The following MCPH1 variants were observed in gnomAD, a reference collection of about 807,000 sequenced individuals.
MCPH1 encodes the protein microcephalin.
A neutral mutation model predicts 84.5 loss-of-function variants in MCPH1; 104 were observed. That is an observed-to-expected ratio of 1.23 (90% CI 1.05 to 1.45). The LOEUF is 1.45. Among genes scored for constraint, MCPH1 ranks in the 40% most tolerant of loss-of-function variants. MCPH1 has a pLI of 0.00. For missense variants in MCPH1, 1,498 were observed against 1,005.7 expected (o/e 1.49, Z -6.62); for synonymous variants, 514 against 366.8 (o/e 1.40, Z -4.58).
chr8:6,555,226 G>A (rs148127850), intron 12 of MCPH1, among the ~76,000 whole-genome samples: 1 of 152,120 alleles, frequency 6.6e-6, no homozygotes, highest in Non-Finnish European at 1.5e-5. Flanking sequence ...TAGAATGTGA[G>A]ATGGACAATA....
chr8:6,472,500 C>G (rs911830511), intron 9 of MCPH1, among the ~76,000 whole-genome samples: 1 of 152,140 alleles, frequency 6.6e-6, no homozygotes, highest in Non-Finnish European at 1.5e-5. Context: ...GAGACTCACT[C>G]TGTCGCCCAG....
intron 2 of MCPH1, among the ~76,000 whole-genome samples, chr8:6,410,916 C>G (rs1027693868): frequency 6.6e-6 from 1 of 152,030 alleles, no homozygotes; most frequent in East Asian, 1.9e-4. Flanking sequence ...ATAGTGAAAC[C>G]CCATCTCTAC....
At chr8:6,446,335 G>T (rs1804363391) in intron 8 of MCPH1, 2 of 985,018 alleles carry the variant, frequency 2.0e-6, no homozygotes, top group African/African-American at 1.7e-5. Flanking sequence ...ATTTGAGTGA[G>T]AACGCATTCT....
At chr8:6,568,157 G>T (rs766372388) in intron 12 of MCPH1, among the ~76,000 whole-genome samples, 2 of 152,138 alleles carry the variant, frequency 1.3e-5, no homozygotes, top group Non-Finnish European at 2.9e-5. Flanking sequence ...TTTTGGCTCA[G>T]TTTGCCCAGT....
At chr8:6,503,320 A>C in intron 12 of MCPH1, 4 of 1,585,664 alleles carry the variant, frequency 2.5e-6, no homozygotes, top group Non-Finnish European at 3.5e-6. Flanking sequence ...CCCACCACGA[A>C]GACAGCAATA....
At chr8:6,518,333 T>C (rs1263075559) in intron 12 of MCPH1, among the ~76,000 whole-genome samples, 2 of 152,336 alleles carry the variant, frequency 1.3e-5, no homozygotes, top group East Asian at 3.9e-4. Context: ...CAAAAGAGAT[T>C]GAAAGGCTTA....
chr8:6,418,790 C>G (rs1799697024), intron 3 of MCPH1, among the ~76,000 whole-genome samples: 1 of 152,036 alleles, frequency 6.6e-6, no homozygotes, highest in African/African-American at 2.4e-5. Context: ...CCATGTTGGC[C>G]AGGATGATCC....
intron 12 of MCPH1, chr8:6,615,825 CAG>C (rs1830731529): frequency 6.6e-6 from 1 of 152,128 alleles, no homozygotes; most frequent in African/African-American, 2.4e-5. Flanking sequence ...TTAAAAGAGA[CAG>C]TGGGCACCGC....
intron 8 of MCPH1, among the ~76,000 whole-genome samples, chr8:6,451,835 A>G (rs1475954691): frequency 6.6e-6 from 1 of 152,208 alleles, no homozygotes; most frequent in African/African-American, 2.4e-5. Context: ...GTATATTTTT[A>G]CATGTTAAAA....
chr8:6,412,403 T>A (rs1016184295), intron 2 of MCPH1, among the ~76,000 whole-genome samples: 1 of 152,246 alleles, frequency 6.6e-6, no homozygotes, highest in African/African-American at 2.4e-5. Flanking sequence ...ATTTCAAAAA[T>A]TGGCAAACAG....
chr8:6,514,607 G>T (rs1331723408), intron 12 of MCPH1: 19 of 1,375,820 alleles, frequency 1.4e-5, no homozygotes, highest in Middle Eastern at 1.8e-4. Flanking sequence ...GGTGGTTAAG[G>T]TTCCGCAGAT....
At chr8:6,505,501 ATG>A (rs1314018698) in intron 12 of MCPH1, among the ~76,000 whole-genome samples, 2 of 4,932 alleles carry the variant, frequency 4.1e-4, no homozygotes, top group African/African-American at 1.1e-3. Flanking sequence ...TTCTTTATAT[ATG>A]TATATATAGA....
At chr8:6,619,606 T>C (rs1247367674) in intron 12 of MCPH1, among the ~76,000 whole-genome samples, 12 of 150,636 alleles carry the variant, frequency 8.0e-5, no homozygotes, top group African/African-American at 2.9e-4. Context: ...TTTCTTTAGA[T>C]AGAGTGTTGC....
intron 7 of MCPH1, 49 bp downstream of exon 7, chr8:6,442,205 A>T: frequency 8.3e-7 from 1 of 1,206,176 alleles, no homozygotes; most frequent in South Asian, 1.2e-5. Flanking sequence ...TTTGAGAATA[A>T]TATGATTTTC....
At chr8:6,617,132 A>G (rs1184723426) in intron 12 of MCPH1, 2 of 152,040 alleles carry the variant, frequency 1.3e-5, no homozygotes, top group African/African-American at 4.8e-5. Flanking sequence ...AGTTTATATC[A>G]GTATTCCTAA....
intron 12 of MCPH1, among the ~76,000 whole-genome samples, chr8:6,535,520 G>C (rs951443704): frequency 6.6e-6 from 1 of 152,152 alleles, no homozygotes; most frequent in Non-Finnish European, 1.5e-5. Context: ...GTCCATTTAT[G>C]TTAATCTTAC....
At chr8:6,528,565 T>G (rs1382904334) in intron 12 of MCPH1, among the ~76,000 whole-genome samples, 2 of 152,260 alleles carry the variant, frequency 1.3e-5, no homozygotes, top group Non-Finnish European at 2.9e-5. Context: ...ATAGCGTGAG[T>G]GTGAAGCGGA....
chr8:6,435,115 C>G lies in MCPH1; in HGVS notation c.322-933C>G, dbSNP rs1053251153. Among the ~76,000 whole-genome samples, 3 of 152,104 alleles carry G rather than the reference C, an allele frequency of 2.0e-5. No homozygotes were observed. The East Asian group carries it at 5.8e-4, about 29-fold the overall frequency. On this transcript the variant is annotated intron_variant, in intron 4 of 13. Transcript: ENST00000344683. ...TTTCATGTGTTTGTGAGTGTAGTTA[C>G]AGTTTTTGGGTTTTACTGGCTGATT... is the stretch of plus-strand genomic sequence containing the variant.
Position 6,643,264 on chromosome 8 carries a change from AT to A in MCPH1, c.*219del. ...AGACGCTTCGGGCCTTTTTATTTTT[AT>A]TTTATTTTTTATTTTTTGAGACGGA... On this transcript the variant is annotated 3_prime_UTR_variant, in exon 14 of 14. Coordinates refer to ENST00000344683, the MANE Select transcript of MCPH1 (RefSeq NM_024596.5). 1 of 590,172 alleles carries A rather than the reference AT, an allele frequency of 1.7e-6. No individual in the cohort carries two copies. The highest frequency in any genetic ancestry group is 3.0e-5 in the Admixed American group (1 of 33,256). 36.6% of individuals were successfully genotyped at this position (590,172 alleles called of 1,614,324 possible).
Sources: allele counts gnomAD v4.1 joint callset (sites outside exome capture counted in the v4.1 genomes callset), GRCh38; gene constraint gnomAD v4.1.1; transcripts MANE v1.5; gene names NCBI Gene and HGNC (gene_info 2026-07-23, HGNC 2026-07-21).